The following IRAK2 variants were observed in gnomAD, a reference collection of about 807,000 sequenced individuals.
IRAK2 encodes interleukin 1 receptor associated kinase 2.
In IRAK2, 57 loss-of-function variants were observed where a neutral mutation model predicts 72.0. The observed-to-expected ratio is 0.79, with a 90% CI of 0.64 to 0.99. The LOEUF is 0.99. Among genes scored for constraint, IRAK2 ranks in the 50% least tolerant of loss-of-function variants. The probability of loss-of-function intolerance (pLI) is 0.00; values close to 1 mark genes in which losing one functional copy is unlikely to be tolerated. For synonymous variants in IRAK2, 293 were observed against 312.7 expected (o/e 0.94, Z 0.67); for missense variants, 790 against 794.4 (o/e 0.99, Z 0.07).
chr3:10,166,058 C>T (rs1374254960), intron 1 of IRAK2, among the ~76,000 whole-genome samples: 1 of 152,150 alleles, frequency 6.6e-6, no homozygotes, highest in Non-Finnish European at 1.5e-5. Flanking sequence ...GGCGATCCAC[C>T]TGCTTCGGCC....
At chr3:10,191,280 G>A (rs979289672) in intron 2 of IRAK2, among the ~76,000 whole-genome samples, 13 of 143,854 alleles carry the variant, frequency 9.0e-5, no homozygotes, top group African/African-American at 3.0e-4. Flanking sequence ...GGGCAACAGA[G>A]CGAGAATCTG....
rs571457930 is a variant in IRAK2 at position 10,236,473 on chromosome 3, G to A, written c.1473+1814G>A. The stretch of plus-strand genomic sequence containing the variant: ...AGCAATTCTCCTGCCTCAGCCTCCC[G>A]AGTAGCTGAGATTGCAGGTGTGTGC... On this transcript the variant is annotated intron_variant, in intron 11 of 12. Coordinates refer to ENST00000256458, the MANE Select transcript of IRAK2 (RefSeq NM_001570.4). 1.8e-3 allele frequency among the ~76,000 whole-genome samples: 276 copies of A among 149,206 alleles called. 2 individuals are homozygous for A. The highest frequency in any genetic ancestry group is 6.5e-3 in the African/African-American group (267 of 40,798).
chr3:10,208,495 G>C (rs1386854077), intron 3 of IRAK2, among the ~76,000 whole-genome samples: 1 of 150,138 alleles, frequency 6.7e-6, no homozygotes, highest in Non-Finnish European at 1.5e-5. Flanking sequence ...TGAGCGCAGT[G>C]GCTCATGCCT....
At chr3:10,216,855 C>A in intron 6 of IRAK2, 79 bp from the exon 7 acceptor site, 1 of 1,056,054 alleles carries the variant, frequency 9.5e-7, no homozygotes, top group Non-Finnish European at 1.5e-6. Context: ...GAGGAGAGGG[C>A]AGAAGAGGGG....
intron 9 of IRAK2, among the ~76,000 whole-genome samples, chr3:10,226,073 T>C (rs1408808433): frequency 6.6e-6 from 1 of 152,214 alleles, no homozygotes; most frequent in Non-Finnish European, 1.5e-5. Context: ...TATATTTATC[T>C]ATACCTATAT....
chr3:10,220,868 T>C (rs1305451485), intron 8 of IRAK2, among the ~76,000 whole-genome samples: 2 of 152,188 alleles, frequency 1.3e-5, no homozygotes, highest in Non-Finnish European at 2.9e-5. Flanking sequence ...GTTTCTTTTT[T>C]CACTTCCTGC....
intron 12 of IRAK2, among the ~76,000 whole-genome samples, chr3:10,240,086 G>A (rs1335319198): frequency 2.7e-5 from 4 of 150,392 alleles, no homozygotes; most frequent in Non-Finnish European, 5.9e-5. Flanking sequence ...GGCGGAGGTT[G>A]CAGTGAGCCG....
rs998802284 is a variant in IRAK2, at chr3:10,242,428, T to C, written c.*200T>C. ...CAGCTTTTAGAGACACAAAAATCCA[T>C]GAAGTCTCTTCCTTTCTGGGCTTTG... On this transcript the variant is annotated 3_prime_UTR_variant, in exon 13 of 13. Transcript: ENST00000256458. 2.5e-6 allele frequency: 1 copy of C among 401,950 alleles called. No individual in the cohort carries two copies. The highest frequency in any genetic ancestry group is 4.2e-5 in the Admixed American group (1 of 24,034). 24.9% of individuals were successfully genotyped at this position (401,950 alleles called of 1,614,324 possible). A position where few individuals can be genotyped will look rare whatever the true frequency, so the allele number is the denominator to read the frequency against.
At chr3:10,220,141 A>G (rs1697666232) in intron 8 of IRAK2, among the ~76,000 whole-genome samples, 1 of 151,962 alleles carries the variant, frequency 6.6e-6, no homozygotes, top group Non-Finnish European at 1.5e-5. Flanking sequence ...ATGTCTGCCA[A>G]CCCCCTGGGA....
chr3:10,231,442 C>T (rs1336563187), intron 10 of IRAK2, among the ~76,000 whole-genome samples: 1 of 151,938 alleles, frequency 6.6e-6, no homozygotes, highest in Non-Finnish European at 1.5e-5. Flanking sequence ...CAGGTGTGTG[C>T]CACCATGGCC....
At chr3:10,187,475 G>T (rs1297169024) in intron 2 of IRAK2, among the ~76,000 whole-genome samples, 1 of 152,112 alleles carries the variant, frequency 6.6e-6, no homozygotes, top group Non-Finnish European at 1.5e-5. Flanking sequence ...AGTACTACAT[G>T]CACAGGGCAT....
chr3:10,169,747 G>A (rs1559437120), intron 1 of IRAK2, among the ~76,000 whole-genome samples: 1 of 152,130 alleles, frequency 6.6e-6, no homozygotes, highest in Non-Finnish European at 1.5e-5. Flanking sequence ...TACAGTTAAT[G>A]CAATCATCAC....
At chr3:10,226,646 C>T (rs1432979889) in intron 10 of IRAK2, among the ~76,000 whole-genome samples, 5 of 152,008 alleles carry the variant, frequency 3.3e-5, no homozygotes, top group Non-Finnish European at 5.9e-5. Context: ...GGGCTTGGTG[C>T]GGTGGCTCAT....
At chr3:10,219,982 G>A (rs1263340290) in intron 8 of IRAK2, among the ~76,000 whole-genome samples, 193 bp downstream of exon 8, 1 of 152,128 alleles carries the variant, frequency 6.6e-6, no homozygotes, top group African/African-American at 2.4e-5. Flanking sequence ...TCCGGGCTGT[G>A]CTCCAAGTCC....
chr3:10,196,282 T>G (rs1040155473), intron 2 of IRAK2, among the ~76,000 whole-genome samples: 1 of 152,196 alleles, frequency 6.6e-6, no homozygotes, highest in Non-Finnish European at 1.5e-5. Flanking sequence ...GCCTGGCTAA[T>G]TTTTGTATTT....
chr3:10,180,842 T>C (rs1696949413), intron 2 of IRAK2, among the ~76,000 whole-genome samples: 1 of 151,886 alleles, frequency 6.6e-6, no homozygotes, highest in South Asian at 2.1e-4. Context: ...TTTGGGGGCA[T>C]TGTGGGGCAG....
At chr3:10,240,782 C>T (rs1344902176) in intron 12 of IRAK2, among the ~76,000 whole-genome samples, 1 of 151,326 alleles carries the variant, frequency 6.6e-6, no homozygotes, top group Non-Finnish European at 1.5e-5. Context: ...TGGTCTTGAA[C>T]TCCCAACCTC....
At chr3:10,177,624 C>A (rs1696896566) in intron 1 of IRAK2, among the ~76,000 whole-genome samples, 2 of 152,326 alleles carry the variant, frequency 1.3e-5, no homozygotes, top group South Asian at 4.1e-4. Context: ...TGGTCTTTCT[C>A]CTAAGTCATA....
At chr3:10,194,952 C>T (rs2125149715) in intron 2 of IRAK2, among the ~76,000 whole-genome samples, 2 of 152,186 alleles carry the variant, frequency 1.3e-5, no homozygotes, top group Middle Eastern at 6.8e-3. Context: ...ATGTTAGCCC[C>T]AAGTGTGCTG....
Sources: gnomAD v4.1 joint callset for allele counts (sites outside exome capture counted in the v4.1 genomes callset) on GRCh38, gnomAD v4.1.1 for gene constraint, MANE v1.5 for transcripts, NCBI Gene and HGNC (gene_info 2026-07-23, HGNC 2026-07-21) for gene names.